The following KCTD1 variants were observed in gnomAD, a reference collection of about 807,000 sequenced individuals.
KCTD1 encodes potassium channel tetramerization domain containing 1, also known as BTB/POZ domain-containing protein KCTD1.
Under a neutral mutation model 66.0 loss-of-function variants are expected in KCTD1, and 24 were observed. The ratio of observed to expected loss-of-function variants is 0.36; its 90% confidence interval spans 0.26 to 0.51. The LOEUF (loss-of-function observed/expected upper bound fraction) is 0.51, where lower values mean the gene tolerates loss of function less well. Among genes scored for constraint, KCTD1 ranks in the 20% least tolerant of loss-of-function variants. KCTD1 has a pLI of 0.95. For missense variants in KCTD1, 943 were observed against 1,205.2 expected (o/e 0.78, Z 3.22); for synonymous variants, 511 against 517.2 (o/e 0.99, Z 0.16).
intron 1 of KCTD1, among the ~76,000 whole-genome samples, chr18:26,649,655 C>T (rs1223107985): frequency 2.0e-5 from 3 of 152,072 alleles, no homozygotes; most frequent in Non-Finnish European, 4.4e-5. Flanking sequence ...ACTACAGGCA[C>T]GCGCCACCAC....
Position 26,455,860 on chromosome 18 carries a change from G to A in KCTD1, c.2481C>T (p.Gly827=), listed in dbSNP as rs147722648. The A allele has an allele frequency of 1.1e-5, 18 of 1,614,038 alleles. No homozygotes were observed. Among genetic ancestry groups the A allele is most frequent in the Non-Finnish European group, 1.5e-5 (18 of 1,180,014 alleles). The stretch of plus-strand genomic sequence containing the variant: ...ACGAGTCTACTCCTCCCCCACAGGA[G>A]CCCACGATTTCAAATCCTCTTTGCT... The part of the protein sequence containing the change: ...RLQQRGFEIV[G]SCGGGVDSSQ... Residue 827 remains glycine, a synonymous_variant, in exon 5 of 5, where the codon GGC becomes GGT. Coordinates refer to ENST00000580059, the MANE Select transcript of KCTD1 (RefSeq NM_001142730.3).
At chr18:26,585,180 A>T (rs767312455) in intron 1 of KCTD1, among the ~76,000 whole-genome samples, 9 of 152,208 alleles carry the variant, frequency 5.9e-5, no homozygotes, top group Non-Finnish European at 1.0e-4. Context: ...CTGTGTAGCC[A>T]GGACCTCTAT....
At chr18:26,464,066 C>T (rs1193069053) in intron 3 of KCTD1, among the ~76,000 whole-genome samples, 2 of 152,114 alleles carry the variant, frequency 1.3e-5, no homozygotes, top group Admixed American at 6.5e-5. Flanking sequence ...GGGAGGAAAA[C>T]GATATATTCA....
chr18:26,480,359 C>T (rs546218360), intron 2 of KCTD1, among the ~76,000 whole-genome samples: 1 of 152,230 alleles, frequency 6.6e-6, no homozygotes, highest in South Asian at 2.1e-4. Flanking sequence ...TATTATTTTA[C>T]TGTACATATT....
At chr18:26,621,438 G>A (rs1987381888) in intron 1 of KCTD1, among the ~76,000 whole-genome samples, 1 of 152,040 alleles carries the variant, frequency 6.6e-6, no homozygotes, top group African/African-American at 2.4e-5. Context: ...ATTAAAAATT[G>A]AGGCGGCGGA....
intron 2 of KCTD1, among the ~76,000 whole-genome samples, chr18:26,496,520 C>T (rs1342306254): frequency 6.6e-6 from 1 of 152,080 alleles, no homozygotes; most frequent in East Asian, 1.9e-4. Context: ...GAAACACCTC[C>T]TAAAGAGCTG....
At chr18:26,522,380 C>T (rs529242773) in intron 1 of KCTD1, among the ~76,000 whole-genome samples, 22 of 152,256 alleles carry the variant, frequency 1.4e-4, no homozygotes, top group Middle Eastern at 3.4e-3. Context: ...CAGCAACCCA[C>T]GAGCAGCTAG....
intron 3 of KCTD1, among the ~76,000 whole-genome samples, chr18:26,464,724 C>T (rs1287563299): frequency 6.6e-6 from 1 of 152,178 alleles, no homozygotes; most frequent in Non-Finnish European, 1.5e-5. Context: ...GTCTCCAATA[C>T]CTCCCAGGAG....
At chr18:26,636,674 C>A (rs185972660) in intron 1 of KCTD1, among the ~76,000 whole-genome samples, 215 of 152,356 alleles carry the variant, frequency 1.4e-3, no homozygotes, top group African/African-American at 5.1e-3. Context: ...GCCCTCAGGA[C>A]TTCACACTCA....
chr18:26,505,309 G>C (rs1982977427), intron 1 of KCTD1, among the ~76,000 whole-genome samples: 1 of 152,226 alleles, frequency 6.6e-6, no homozygotes, highest in African/African-American at 2.4e-5. Flanking sequence ...CTGGAGAAAG[G>C]AAAACCATAA....
chr18:26,543,111 A>G (rs1207104893), intron 1 of KCTD1: 5 of 152,240 alleles, frequency 3.3e-5, no homozygotes, highest in Non-Finnish European at 7.3e-5. Context: ...GCGCTCAGTA[A>G]CTACTTCCTG....
chr18:26,519,863 T>C (rs2144743513), intron 1 of KCTD1, among the ~76,000 whole-genome samples: 1 of 152,314 alleles, frequency 6.6e-6, no homozygotes, highest in Middle Eastern at 3.4e-3. Context: ...TAGGTAAAAG[T>C]CTATATATTC....
intron 1 of KCTD1, among the ~76,000 whole-genome samples, chr18:26,648,729 G>A (rs979560331): frequency 3.3e-5 from 5 of 152,132 alleles, no homozygotes; most frequent in South Asian, 2.1e-4. Context: ...AGAGGCAGCC[G>A]CACCTGGAGA....
At chr18:26,633,745 C>A (rs1010142082), upstream of KCTD1, among the ~76,000 whole-genome samples, 16 of 152,022 alleles carry the variant, frequency 1.1e-4, no homozygotes, top group Admixed American at 8.5e-4. Flanking sequence ...AACAAATGTA[C>A]AAAAAGATGC....
At chr18:26,557,831 G>T (rs1985743519) in intron 1 of KCTD1, among the ~76,000 whole-genome samples, 1 of 152,170 alleles carries the variant, frequency 6.6e-6, no homozygotes, top group South Asian at 2.1e-4. Context: ...TTGGAGTGAA[G>T]CCTGCATTCT....
intron 1 of KCTD1, among the ~76,000 whole-genome samples, chr18:26,517,441 C>T (rs1052169845): frequency 6.6e-6 from 1 of 151,996 alleles, no homozygotes; most frequent in Non-Finnish European, 1.5e-5. Context: ...AGATCACCTG[C>T]GGTTGAGAGT....
At chr18:26,521,528 G>A (rs1983909174) in intron 1 of KCTD1, among the ~76,000 whole-genome samples, 1 of 152,176 alleles carries the variant, frequency 6.6e-6, no homozygotes, top group Non-Finnish European at 1.5e-5. Context: ...GGTATGAGGT[G>A]TCTCCTACAG....
At chr18:26,530,307 G>T (rs1984375316) in intron 1 of KCTD1, among the ~76,000 whole-genome samples, 1 of 152,126 alleles carries the variant, frequency 6.6e-6, no homozygotes, top group Non-Finnish European at 1.5e-5. Flanking sequence ...TATCTTTGTT[G>T]TATTTCCAAG....
intron 1 of KCTD1, among the ~76,000 whole-genome samples, chr18:26,653,912 C>T (rs1364562645): frequency 1.3e-5 from 2 of 152,150 alleles, no homozygotes. Context: ...CAAATAAATG[C>T]TCTGTTTGCT....
Sources: gnomAD v4.1 joint callset for allele counts (sites outside exome capture counted in the v4.1 genomes callset) on GRCh38, gnomAD v4.1.1 for gene constraint, MANE v1.5 for transcripts, NCBI Gene and HGNC (gene_info 2026-07-23, HGNC 2026-07-21) for gene names.